The following C16orf74 variants were observed in gnomAD, a reference collection of about 807,000 sequenced individuals.
C16orf74 encodes uncharacterized protein C16orf74.
Under a neutral mutation model 6.5 loss-of-function variants are expected in C16orf74, and 10 were observed. The observed-to-expected ratio is 1.54, with a 90% confidence interval of 0.95 to 2.61. C16orf74 has a LOEUF of 2.61. Among genes scored for constraint, C16orf74 ranks in the 30% most tolerant of loss-of-function variants. C16orf74 has a pLI of 0.00. For synonymous variants in C16orf74, 60 were observed against 42.5 expected, an observed-to-expected ratio of 1.41 and a Z score of -1.60; for missense variants, 141 against 105.9, an observed-to-expected ratio of 1.33 and a Z score of -1.45.
intron 1 of C16orf74, among the ~76,000 whole-genome samples, chr16:85,749,639 G>A (rs1188970022): frequency 3.9e-5 from 6 of 152,202 alleles, no homozygotes; most frequent in Admixed American, 6.5e-5. Flanking sequence ...GTTGGTCAGG[G>A]GATTAAAACA....
chr16:85,728,850 C>G (rs1289927052), intron 2 of C16orf74, among the ~76,000 whole-genome samples: 1 of 152,178 alleles, frequency 6.6e-6, no homozygotes. Flanking sequence ...AGAATATGAA[C>G]TCGGATCTCT....
intron 2 of C16orf74, among the ~76,000 whole-genome samples, chr16:85,722,397 C>G (rs1251471572): frequency 1.3e-5 from 2 of 152,190 alleles, no homozygotes; most frequent in African/African-American, 4.8e-5. Flanking sequence ...GGAACATGGG[C>G]CCTGTGGGCA....
chr16:85,745,178 C>T (rs957392978), intron 1 of C16orf74, among the ~76,000 whole-genome samples: 11 of 144,682 alleles, frequency 7.6e-5, no homozygotes, highest in African/African-American at 2.8e-4. Flanking sequence ...ATCTCCCTGT[C>T]GCCAAATGGT....
intron 1 of C16orf74, among the ~76,000 whole-genome samples, chr16:85,740,874 G>T (rs1437272998): frequency 6.7e-6 from 1 of 150,130 alleles, no homozygotes; most frequent in African/African-American, 2.5e-5. Flanking sequence ...GACGTGTCTG[G>T]GCTCAAGAGT....
chr16:85,726,432 C>A (rs1020393782), intron 2 of C16orf74, among the ~76,000 whole-genome samples: 1 of 152,152 alleles, frequency 6.6e-6, no homozygotes, highest in South Asian at 2.1e-4. Context: ...GGCTCCTGTT[C>A]GCAGCTTGGG....
At chr16:85,720,031 G>C (rs767416271) in intron 2 of C16orf74, among the ~76,000 whole-genome samples, 1 of 152,112 alleles carries the variant, frequency 6.6e-6, no homozygotes, top group Non-Finnish European at 1.5e-5. Context: ...TTCCTCCAAG[G>C]GTTCCAGATG....
In C16orf74 at chr16:85,710,236, C is replaced by T; in HGVS notation, c.100G>A (p.Asp34Asn). 3 of 1,500,704 alleles carry T rather than the reference C, an allele frequency of 2.0e-6. No individual in the cohort carries two copies. Among genetic ancestry groups the T allele is most frequent in the Non-Finnish European group, 2.6e-6 (3 of 1,136,236 alleles). 93.0% of individuals were successfully genotyped at this position (1,500,704 alleles called of 1,614,324 possible). A position where few individuals can be genotyped will look rare whatever the true frequency, so the allele number is the denominator to read the frequency against. The change falls in exon 3 of 4, where the codon GAC becomes AAC. Residue 34 changes from aspartate (D) to asparagine (N), a missense_variant. Asp to Asn is a conservative substitution (Grantham distance 23). Coordinates refer to ENST00000284245, the MANE Select transcript of C16orf74 (RefSeq NM_206967.3). ...EAPVLNDKHL[D>N]VPDIIITPPT... ...GGCGTGATGATGATGTCGGGCACGT[C>T]CAGGTGCTTGTCGTTCAGGACGGGG...
intron 1 of C16orf74, among the ~76,000 whole-genome samples, chr16:85,736,820 G>A (rs12444916): frequency 1.4e-4 from 22 of 152,286 alleles, no homozygotes; most frequent in Admixed American, 7.8e-4. Context: ...TTGGGAGGCC[G>A]AGGTGCGTGG....
Position 85,738,120 on chromosome 16 carries a change from C to T in C16orf74, c.-18-2885G>A, listed in dbSNP as rs563253014. ...ATTAGTCAAGTGTGGTGGCCTGTGCCTGTAGTCCCAGCTACTCAGGAGGCT... is the reference window on the plus strand; with the variant it reads ...ATTAGTCAAGTGTGGTGGCCTGTGCTTGTAGTCCCAGCTACTCAGGAGGCT... On this transcript the variant is annotated intron_variant, in intron 1 of 3. Transcript: ENST00000284245. Among the ~76,000 whole-genome samples the T allele has an allele frequency of 7.9e-5, 12 of 151,994 alleles. No individual in the cohort carries two copies. The East Asian group carries it at 2.4e-3, about 30-fold the overall frequency.
intron 2 of C16orf74, among the ~76,000 whole-genome samples, chr16:85,721,114 C>T (rs943152426): frequency 4.6e-5 from 7 of 152,044 alleles, no homozygotes; most frequent in Admixed American, 2.6e-4. Context: ...AAAAATGAAG[C>T]CCAGGTCCAG....
chr16:85,735,105 G>C (rs954718937), intron 2 of C16orf74, 85 bp downstream of exon 2: 9 of 1,216,834 alleles, frequency 7.4e-6, no homozygotes, highest in Non-Finnish European at 9.3e-6. Flanking sequence ...GCAGGGCAGA[G>C]GGCTTCAACT....
intron 1 of C16orf74, among the ~76,000 whole-genome samples, chr16:85,750,636 G>T (rs926161632): frequency 6.6e-6 from 1 of 152,182 alleles, no homozygotes; most frequent in Non-Finnish European, 1.5e-5. Flanking sequence ...GTGGCCTGTG[G>T]TGAGTGGGGG....
intron 2 of C16orf74, among the ~76,000 whole-genome samples, chr16:85,721,493 G>T (rs943121055): frequency 5.3e-5 from 8 of 152,166 alleles, no homozygotes; most frequent in Non-Finnish European, 1.0e-4. Context: ...TGAATCTCAG[G>T]TTAACAAATA....
intron 2 of C16orf74, among the ~76,000 whole-genome samples, chr16:85,721,476 T>A (rs1162903202): frequency 6.6e-6 from 1 of 152,188 alleles, no homozygotes; most frequent in Non-Finnish European, 1.5e-5. Flanking sequence ...GGGCCTTCCA[T>A]CGCATTTGAA....
intron 2 of C16orf74, among the ~76,000 whole-genome samples, chr16:85,723,792 C>T (rs1377004948): frequency 6.6e-6 from 1 of 152,200 alleles, no homozygotes; most frequent in Non-Finnish European, 1.5e-5. Context: ...GTGGGGCTGA[C>T]AGGAGCCATC....
rs148752182 is a variant in C16orf74 at position 85,724,852 on chromosome 16, C to T, written c.28+10338G>A. The stretch of plus-strand genomic sequence containing the variant: ...AGGGCTACAGGGATCAAAAAGACAG[C>T]GTGGTTCCTGACCTCACGGATCCAG... On this transcript the variant is annotated intron_variant, in intron 2 of 3. Coordinates refer to ENST00000284245, the MANE Select transcript of C16orf74 (RefSeq NM_206967.3). 1.8e-3 allele frequency among the ~76,000 whole-genome samples: 280 copies of T among 152,272 alleles called. 1 individual carries two copies. Among genetic ancestry groups the T allele is most frequent in the African/African-American group, 6.4e-3 (264 of 41,550 alleles).
intron 1 of C16orf74, among the ~76,000 whole-genome samples, chr16:85,748,679 G>A (rs1487989810): frequency 4.6e-5 from 7 of 152,174 alleles, no homozygotes; most frequent in African/African-American, 1.7e-4. Context: ...TTACGATAAG[G>A]AGTTTGGCTT....
Position 85,711,035 on chromosome 16 carries a change from C to T in C16orf74, c.29-728G>A, listed in dbSNP as rs149582130. Among the ~76,000 whole-genome samples the T allele has an allele frequency of 4.6e-5, 7 of 152,282 alleles. No homozygotes were observed. The East Asian group carries it at 5.8e-4, about 13-fold the overall frequency. Reference sequence around the variant, plus strand: ...AGTGCTTTAAATTTCAAATGCCAGCCGGGCGCGGTGGCTCATGCCTGTAAT... The same window carrying T: ...AGTGCTTTAAATTTCAAATGCCAGCTGGGCGCGGTGGCTCATGCCTGTAAT... On this transcript the variant is annotated intron_variant, in intron 2 of 3. Coordinates refer to ENST00000284245, the MANE Select transcript of C16orf74 (RefSeq NM_206967.3).
At chr16:85,731,326 T>G (rs1389479691) in intron 2 of C16orf74, among the ~76,000 whole-genome samples, 2 of 152,266 alleles carry the variant, frequency 1.3e-5, no homozygotes, top group Non-Finnish European at 2.9e-5. Context: ...TGGGGCCCTG[T>G]GCAGCTGCAG....
Sources: gnomAD v4.1 joint callset for allele counts (sites outside exome capture counted in the v4.1 genomes callset) on GRCh38, gnomAD v4.1.1 for gene constraint, MANE v1.5 for transcripts, NCBI Gene and HGNC (gene_info 2026-07-23, HGNC 2026-07-21) for gene names.